The following TINAG variants were observed in gnomAD, a reference collection of about 807,000 sequenced individuals.
The protein encoded by TINAG is tubulointerstitial nephritis antigen.
A neutral mutation model predicts 72.7 loss-of-function variants in TINAG; 83 were observed. The ratio of observed to expected loss-of-function variants is 1.14; its 90% confidence interval spans 0.96 to 1.37. The LOEUF (loss-of-function observed/expected upper bound fraction) is 1.37, where lower values mean the gene tolerates loss of function less well. Among genes scored for constraint, TINAG ranks in the 40% most tolerant of loss-of-function variants. The probability of loss-of-function intolerance (pLI) is 0.00; values close to 1 mark genes in which losing one functional copy is unlikely to be tolerated. For synonymous variants in TINAG, 234 were observed against 189.9 expected (o/e 1.23, Z -1.91); for missense variants, 685 against 576.6 (o/e 1.19, Z -1.93).
chr6:54,322,516 A>T (rs1403532398), intron 3 of TINAG, among the ~76,000 whole-genome samples: 1 of 152,194 alleles, frequency 6.6e-6, no homozygotes, highest in Non-Finnish European at 1.5e-5. Context: ...ACATAAAAAG[A>T]TCTATTATCA....
intron 1 of TINAG, among the ~76,000 whole-genome samples, chr6:54,318,928 G>A (rs1442981969): frequency 1.3e-5 from 2 of 152,082 alleles, no homozygotes; most frequent in African/African-American, 2.4e-5. Context: ...TCTCTTACAT[G>A]AAATTAAGGA....
chr6:54,321,479 T>G, intron 3 of TINAG, 93 bp downstream of exon 3: 2 of 855,344 alleles, frequency 2.3e-6, no homozygotes. Flanking sequence ...GGTCATTGTT[T>G]AAAAAGAAAG....
In TINAG at chr6:54,341,530, G is replaced by A. The variant is rs76073049; in HGVS notation, c.625-1696G>A. 4.3e-3 allele frequency among the ~76,000 whole-genome samples: 646 copies of A among 151,848 alleles called. 2 individuals carry two copies. Among genetic ancestry groups the A allele is most frequent in the African/African-American group, 0.015 (625 of 41,438 alleles). On this transcript the variant is annotated intron_variant, in intron 4 of 10. Transcript: ENST00000259782. ...GGATACAATAACTTTCTTGTCAGGTGGTAATAGTTTTCTAAGTCAAAACTG... is the reference window on the plus strand; with the variant it reads ...GGATACAATAACTTTCTTGTCAGGTAGTAATAGTTTTCTAAGTCAAAACTG...
intron 9 of TINAG, among the ~76,000 whole-genome samples, chr6:54,365,163 C>T (rs1763369797): frequency 6.6e-6 from 1 of 151,502 alleles, no homozygotes; most frequent in Non-Finnish European, 1.5e-5. Context: ...AACATTTCTA[C>T]TATGCTTATT....
chr6:54,324,253 C>G (rs1405804665), intron 3 of TINAG, among the ~76,000 whole-genome samples: 1 of 152,156 alleles, frequency 6.6e-6, no homozygotes, highest in African/African-American at 2.4e-5. Flanking sequence ...TTGCTGCTCT[C>G]TTTTGGAATT....
intron 9 of TINAG, among the ~76,000 whole-genome samples, chr6:54,368,152 T>A (rs1019476463): frequency 6.6e-6 from 1 of 150,976 alleles, no homozygotes; most frequent in Non-Finnish European, 1.5e-5. Context: ...TTATTTCTGA[T>A]GGTTTTGACC....
At chr6:54,347,768 A>C (rs1032516862) in intron 6 of TINAG, among the ~76,000 whole-genome samples, 2 of 152,030 alleles carry the variant, frequency 1.3e-5, no homozygotes, top group African/African-American at 4.8e-5. Flanking sequence ...ACTTTTGAAG[A>C]CTCAAGTAAA....
At chr6:54,321,551 T>A (rs1784491670) in intron 3 of TINAG, among the ~76,000 whole-genome samples, 165 bp downstream of exon 3, 1 of 152,156 alleles carries the variant, frequency 6.6e-6, no homozygotes, top group Non-Finnish European at 1.5e-5. Flanking sequence ...AAGGTAAACA[T>A]TAAATAATTA....
chr6:54,321,780 A>T (rs1784496785), intron 3 of TINAG, among the ~76,000 whole-genome samples: 1 of 152,156 alleles, frequency 6.6e-6, no homozygotes, highest in Admixed American at 6.6e-5. Context: ...GTAGAATCTG[A>T]CCTTACAAGG....
At chr6:54,336,990 T>C (rs1224048988) in intron 4 of TINAG, among the ~76,000 whole-genome samples, 1 of 152,078 alleles carries the variant, frequency 6.6e-6, no homozygotes, top group Non-Finnish European at 1.5e-5. Context: ...ATGTTGGAAG[T>C]TAAAGTAAAA....
At chr6:54,365,838 T>A (rs891184227) in intron 9 of TINAG, among the ~76,000 whole-genome samples, 3 of 151,380 alleles carry the variant, frequency 2.0e-5, no homozygotes, top group Non-Finnish European at 4.4e-5. Flanking sequence ...CTTTAGAGAG[T>A]CTTCACTGAG....
intron 1 of TINAG, among the ~76,000 whole-genome samples, chr6:54,319,212 A>G (rs1263947814): frequency 6.6e-6 from 1 of 152,180 alleles, no homozygotes; most frequent in African/African-American, 2.4e-5. Flanking sequence ...AAGAATGGTC[A>G]GGAAAGTACT....
At chr6:54,340,112 TC>T (rs1415649206) in intron 4 of TINAG, among the ~76,000 whole-genome samples, 1 of 152,160 alleles carries the variant, frequency 6.6e-6, no homozygotes, top group Non-Finnish European at 1.5e-5. Context: ...TGTATTTAAT[TC>T]CCATATTTGC....
chr6:54,384,244 C>A (rs896397127), intron 10 of TINAG, among the ~76,000 whole-genome samples: 7 of 152,010 alleles, frequency 4.6e-5, no homozygotes, highest in African/African-American at 1.7e-4. Context: ...AGGAGAAATA[C>A]CTAATGTAGA....
intron 3 of TINAG, among the ~76,000 whole-genome samples, chr6:54,322,109 C>A (rs1017401868): frequency 3.3e-5 from 5 of 151,974 alleles, no homozygotes; most frequent in African/African-American, 1.2e-4. Context: ...AGTTCAAGAC[C>A]AGCTTGGACA....
chr6:54,347,709 A>G (rs1208875842), intron 6 of TINAG, among the ~76,000 whole-genome samples, 192 bp downstream of exon 6: 1 of 152,116 alleles, frequency 6.6e-6, no homozygotes, highest in Non-Finnish European at 1.5e-5. Context: ...GCTATTAGAA[A>G]CACCTCCTGA....
At chr6:54,361,352 C>T (rs1257986375) in intron 9 of TINAG, among the ~76,000 whole-genome samples, 1 of 151,680 alleles carries the variant, frequency 6.6e-6, no homozygotes, top group Non-Finnish European at 1.5e-5. Context: ...CATAGTTCCA[C>T]AGGCTGTGCA....
chr6:54,326,878 C>T lies in TINAG; in HGVS notation c.586C>T (p.Pro196Ser), dbSNP rs749114243. ...DGFKFRLGTL[P>S]PSPMLLSMNE... Reference sequence around the variant, plus strand: ...TTTTAAATTTCGCCTTGGCACTTTGCCACCTAGTCCCATGCTCCTGAGCAT... The same window carrying T: ...TTTTAAATTTCGCCTTGGCACTTTGTCACCTAGTCCCATGCTCCTGAGCAT... The change falls in exon 4 of 11, where the codon CCA (proline) becomes TCA (serine). Residue 196 changes from proline to serine, a missense_variant. Pro to Ser is a moderately conservative substitution (Grantham distance 74). Coordinates refer to ENST00000259782, the MANE Select transcript of TINAG (RefSeq NM_014464.4). 1.2e-5 allele frequency: 19 copies of T among 1,612,562 alleles called. No homozygotes were observed. In the Admixed American group the frequency reaches 1.5e-4, roughly 13 times the overall value.
At chr6:54,341,771 T>C (rs1393143304) in intron 4 of TINAG, among the ~76,000 whole-genome samples, 1 of 152,156 alleles carries the variant, frequency 6.6e-6, no homozygotes, top group Non-Finnish European at 1.5e-5. Flanking sequence ...TTTAACATTT[T>C]ACTTCTGCGG....
Sources: gnomAD v4.1 joint callset for allele counts (sites outside exome capture counted in the v4.1 genomes callset) on GRCh38, gnomAD v4.1.1 for gene constraint, MANE v1.5 for transcripts, NCBI Gene and HGNC (gene_info 2026-07-23, HGNC 2026-07-21) for gene names.